Variants in RHOT2 observed in about 807,000 individuals in gnomAD.
RHOT2 encodes mitochondrial Rho GTPase 2.
Under a neutral mutation model 81.6 loss-of-function variants are expected in RHOT2, and 90 were observed. The observed-to-expected ratio is 1.10, with a 90% CI of 0.93 to 1.31. The LOEUF is 1.31. Ranked by LOEUF, RHOT2 falls within the 40% of genes most tolerant of loss-of-function variation. The pLI, the probability that RHOT2 is intolerant of heterozygous loss-of-function variation, is 0.00. For missense variants in RHOT2, 1,014 were observed against 841.9 expected (o/e 1.20, Z -2.53); for synonymous variants, 512 against 370.9 (o/e 1.38, Z -4.37).
At chr16:669,905 C>A (rs1232352189) in intron 5 of RHOT2, 1 of 615,186 alleles carries the variant, frequency 1.6e-6, no homozygotes, top group East Asian at 2.8e-5. Flanking sequence ...GGCTTGGGCC[C>A]CAGTGACTTG....
intron 4 of RHOT2, 158 bp downstream of exon 4, chr16:668,857 C>T (rs773336505): frequency 2.2e-5 from 15 of 685,532 alleles, no homozygotes; most frequent in South Asian, 4.1e-5. Flanking sequence ...ACAGCGCACC[C>T]CGCTGGGAGC....
intron 11 of RHOT2, chr16:671,431 G>A (rs1425984503): frequency 2.4e-5 from 17 of 705,872 alleles, no homozygotes; most frequent in Admixed American, 6.2e-5. Context: ...CTGGCCCTTT[G>A]CCAACCCCGC....
Position 672,264 on chromosome 16 carries a change from G to A in RHOT2, c.1206G>A (p.Glu402=). 6.2e-7 allele frequency: 1 copy of A among 1,611,836 alleles called. No individual in the cohort carries two copies. The highest frequency in any genetic ancestry group is 8.5e-7 in the Non-Finnish European group (1 of 1,179,294). The part of the protein sequence containing the change: ...DQAHAITVTR[E]KRLDQEKGQT... ...TGTCTATCCTCACAGTCACTCGTGA[G>A]AAGAGGCTGGACCAGGAGAAGGGAC... The change falls in exon 15 of 19, where the codon GAG becomes GAA. Residue 402 remains glutamate (E), a synonymous_variant. Coordinates refer to ENST00000315082, the MANE Select transcript of RHOT2 (RefSeq NM_138769.3).
In RHOT2 at chr16:668,852, G is replaced by T. The variant is rs115233306; in HGVS notation, c.222+153G>T. 3.8e-4 allele frequency: 278 copies of T among 735,394 alleles called. No homozygotes were observed. The African/African-American group carries it at 4.6e-3, about 12-fold the overall frequency. 45.6% of individuals were successfully genotyped at this position (735,394 alleles called of 1,614,324 possible). ...TGAGGGTTGTCGGGGCCCCTACAGC[G>T]CACCCCGCTGGGAGCCGGCACCGCT... On this transcript the variant is annotated intron_variant, in intron 4 of 18. Coordinates refer to ENST00000315082, the MANE Select transcript of RHOT2 (RefSeq NM_138769.3).
chr16:673,053 C>T lies in RHOT2; in HGVS notation c.1653C>T (p.Pro551=), dbSNP rs376617505. 1.8e-5 allele frequency: 29 copies of T among 1,611,836 alleles called. 1 individual carries two copies. The highest frequency in any genetic ancestry group is 3.3e-4 in the Middle Eastern group (2 of 6,084). The change falls in exon 18 of 19, where the codon CCC becomes CCT. Residue 551 remains proline, a synonymous_variant. Transcript: ENST00000315082. The stretch of plus-strand genomic sequence containing the variant: ...GCCGCAAGCACCGGCTACCCGCTCC[C>T]GTGCCGTTCTCCTGTGCTGGCCCAG... The part of the protein sequence containing the change: ...EFCRKHRLPA[P]VPFSCAGPAE...
rs778051777 is a variant in RHOT2 at position 670,708 on chromosome 16, A to G, written c.574A>G (p.Ile192Val). Residue 192 changes from isoleucine (I) to valine (V), a missense_variant, in exon 9 of 19, where the codon ATC becomes GTC. Coordinates refer to ENST00000315082, the MANE Select transcript of RHOT2 (RefSeq NM_138769.3). Reference protein sequence around the residue: ...RPACAQALTRIFRLSDQDLDQ... With the variant: ...RPACAQALTRVFRLSDQDLDQ... ...CGCGTGCGCCCAGGCGCTGACGCGC[A>G]TCTTCAGGCTCTCAGATCAGGACCT... 5.0e-6 allele frequency: 8 copies of G among 1,612,466 alleles called. No homozygotes were observed. Among genetic ancestry groups the G allele is most frequent in the Non-Finnish European group, 6.8e-6 (8 of 1,179,928 alleles).
intron 4 of RHOT2, 118 bp from the exon 5 acceptor site, chr16:669,435 C>T (rs533578256): frequency 2.8e-5 from 27 of 981,198 alleles, no homozygotes; most frequent in Non-Finnish European, 3.8e-5. Flanking sequence ...CAGAGCTGCA[C>T]CCATGCTACC....
rs756727659 is a variant in RHOT2 at position 671,702 on chromosome 16, A to G, written c.875A>G (p.His292Arg). 1.9e-6 allele frequency: 3 copies of G among 1,611,992 alleles called. No individual in the cohort carries two copies. The highest frequency in any genetic ancestry group is 1.1e-5 in the South Asian group (1 of 91,058). Residue 292 changes from histidine to arginine, a missense_variant, in exon 12 of 19, where the codon CAC becomes CGC. Coordinates refer to ENST00000315082, the MANE Select transcript of RHOT2 (RefSeq NM_138769.3). ...LTADYLSPLI[H>R]VPPGCSTELN... is the part of the protein sequence containing the mutation. ...GGGCTGTGGCCTCCCTGCAGGATCC[A>G]CGTGCCCCCCGGCTGCAGCACGGAG...
chr16:673,697 C>A lies in RHOT2; in HGVS notation c.*91C>A. 2 of 1,492,416 alleles carry A rather than the reference C, an allele frequency of 1.3e-6. No individual in the cohort carries two copies. The highest frequency in any genetic ancestry group is 1.3e-5 in the South Asian group (1 of 77,718). The allele number at this position is 1,492,416 out of a possible 1,614,324, so 92.4% of individuals were successfully genotyped here. A position where few individuals can be genotyped will look rare whatever the true frequency, so the allele number is the denominator to read the frequency against. On this transcript the variant is annotated 3_prime_UTR_variant, in exon 19 of 19. Coordinates refer to ENST00000315082, the MANE Select transcript of RHOT2 (RefSeq NM_138769.3). ...CAGCACAGCTGGGGTGCAGGCCAGG[C>A]TGCCACTCCGGGAACGCCTTTGCGC...
At chr16:669,738 G>T in intron 5 of RHOT2, 132 bp downstream of exon 5, 4 of 884,984 alleles carry the variant, frequency 4.5e-6, no homozygotes, top group Non-Finnish European at 7.2e-6. Flanking sequence ...GTTGCCTGAC[G>T]TGGAGTCACC....
At chr16:669,140 C>T (rs1170657745) in intron 4 of RHOT2, 2 of 385,664 alleles carry the variant, frequency 5.2e-6, no homozygotes, top group East Asian at 5.3e-5. Flanking sequence ...CACTGCGGTC[C>T]TGTCACTCTG....
At position 672,237 on chromosome 16, in the gene RHOT2, C is replaced by A; in HGVS notation, c.1196-17C>A. On this transcript the variant is annotated splice_polypyrimidine_tract_variant and intron_variant, in intron 14 of 18. Transcript: ENST00000315082. ...CAGTATCCTGGCAGCTGCCCTAACCCGTGTCTATCCTCACAGTCACTCGTG... is the reference window on the plus strand; with the variant it reads ...CAGTATCCTGGCAGCTGCCCTAACCAGTGTCTATCCTCACAGTCACTCGTG... 1 of 1,611,402 alleles carries A rather than the reference C, an allele frequency of 6.2e-7. No homozygotes were observed. Among genetic ancestry groups the A allele is most frequent in the Non-Finnish European group, 8.5e-7 (1 of 1,179,002 alleles).
In RHOT2 at chr16:672,330, C is replaced by T; in HGVS notation, c.1272C>T (p.Ala424=). ...RSVLLCKVVG[A]RGVGKSAFLQ... is the part of the protein sequence containing the mutation. ...TCCTCCTGTGCAAGGTGGTAGGGGC[C>T]CGTGGAGTGGGCAAGTCTGCCTTCC... The change falls in exon 15 of 19, where the codon GCC becomes GCT. Residue 424 remains alanine, a synonymous_variant. Coordinates refer to ENST00000315082, the MANE Select transcript of RHOT2 (RefSeq NM_138769.3). The T allele has an allele frequency of 6.2e-7, 1 of 1,612,348 alleles. No individual in the cohort carries two copies. Among genetic ancestry groups the T allele is most frequent in the Non-Finnish European group, 8.5e-7 (1 of 1,179,724 alleles).
At position 670,657 on chromosome 16, in the gene RHOT2, G is replaced by A. The variant is rs377632271; in HGVS notation, c.541-18G>A. ...TCGGCGTGGGTCACCTGAGGGTGCT[G>A]AGCCAACATCCCCACAGTTGAGGCC... On this transcript the variant is annotated intron_variant, in intron 8 of 18. Transcript: ENST00000315082. 32 of 1,611,058 alleles carry A rather than the reference G, an allele frequency of 2.0e-5. No homozygotes were observed. In the African/African-American group the frequency reaches 4.0e-4, roughly 20 times the overall value.
rs1473274506 is a variant in RHOT2, at chr16:671,795, G to A, written c.954+14G>A. 1.9e-6 allele frequency: 3 copies of A among 1,573,154 alleles called. No individual in the cohort carries two copies. Among genetic ancestry groups the A allele is most frequent in the East Asian group, 2.3e-5 (1 of 42,726 alleles). ...AAGCACGACCAGGTGAGAGCATGGC[G>A]AGTCCCCTGCCCCTGCCCCCGCCCC... On this transcript the variant is annotated intron_variant, in intron 12 of 18. Coordinates refer to ENST00000315082, the MANE Select transcript of RHOT2 (RefSeq NM_138769.3).
chr16:670,046 C>T, intron 5 of RHOT2, 77 bp from the exon 6 acceptor site: 1 of 1,398,900 alleles, frequency 7.1e-7, no homozygotes, highest in Admixed American at 2.3e-5. Flanking sequence ...CTGCTCTCCC[C>T]CAGCCAGGCT....
rs199966749 is a variant in RHOT2 at position 668,684 on chromosome 16, G to C, written c.207G>C (p.Arg69=). The part of the protein sequence containing the change: ...SEAEQTDEEL[R]EEIHKANVVC... ...CCGAGCAGACGGACGAGGAGCTGCGGGAGGAGATCCACAAGGTACCCGTGG... is the reference window on the plus strand; with the variant it reads ...CCGAGCAGACGGACGAGGAGCTGCGCGAGGAGATCCACAAGGTACCCGTGG... Residue 69 remains arginine, a synonymous_variant, in exon 4 of 19, where the codon CGG becomes CGC. Coordinates refer to ENST00000315082, the MANE Select transcript of RHOT2 (RefSeq NM_138769.3). The C allele has an allele frequency of 1.2e-6, 2 of 1,604,096 alleles. No individual in the cohort carries two copies. The highest frequency in any genetic ancestry group is 4.5e-5 in the East Asian group (2 of 44,086).
intron 14 of RHOT2, 25 bp from the exon 15 acceptor site, chr16:672,229 C>T (rs1421540739): frequency 1.2e-6 from 2 of 1,611,728 alleles, no homozygotes; most frequent in Non-Finnish European, 1.7e-6. Context: ...CTGGCAGCTG[C>T]CCTAACCCGT....
intron 1 of RHOT2, 37 bp downstream of exon 1, chr16:668,273 C>T (rs1299108141): frequency 2.1e-5 from 22 of 1,030,174 alleles, no homozygotes; most frequent in Admixed American, 1.2e-4. Context: ...GCTGCGGCGG[C>T]CGTGAGGCGG....
Sources: gnomAD v4.1 joint callset for allele counts on GRCh38, gnomAD v4.1.1 for gene constraint, MANE v1.5 for transcripts, NCBI Gene and HGNC (gene_info 2026-07-23, HGNC 2026-07-21) for gene names.